UBE2U: variants seen among roughly 807,000 people sequenced by gnomAD.
UBE2U encodes ubiquitin conjugating enzyme E2 U.
Under a neutral mutation model 41.2 loss-of-function variants are expected in UBE2U, and 39 were observed. The observed-to-expected ratio is 0.95, with a 90% CI of 0.73 to 1.24. The LOEUF (loss-of-function observed/expected upper bound fraction) is 1.24, where lower values mean the gene tolerates loss of function less well. Among genes scored for constraint, UBE2U ranks in the 50% most tolerant of loss-of-function variants. The probability of loss-of-function intolerance (pLI) is 0.00; values close to 1 mark genes in which losing one functional copy is unlikely to be tolerated. For synonymous variants in UBE2U, 107 were observed against 117.8 expected, an observed-to-expected ratio of 0.91 and a Z score of 0.60; for missense variants, 336 against 363.1, an observed-to-expected ratio of 0.93 and a Z score of 0.61.
At chr1:64,236,733 C>A (rs1269095578) in intron 7 of UBE2U, among the ~76,000 whole-genome samples, 1 of 152,166 alleles carries the variant, frequency 6.6e-6, no homozygotes, top group Admixed American at 6.5e-5. Flanking sequence ...TTGCTTCACC[C>A]TAGGAGACTT....
In UBE2U at chr1:64,220,931, A is replaced by G. The variant is rs1480413346; in HGVS notation, c.506+24A>G. 8 of 1,532,022 alleles carry G rather than the reference A, an allele frequency of 5.2e-6. No homozygotes were observed. The East Asian group carries it at 1.8e-4, about 35-fold the overall frequency. 94.9% of individuals were successfully genotyped at this position (1,532,022 alleles called of 1,614,324 possible). On this transcript the variant is annotated intron_variant, in intron 6 of 9. Transcript: ENST00000371077. ...AGGTAAGTTTTTCTTTATACAATTT[A>G]TGTCGATTTATTTACCAAAAGGACT...
At chr1:64,263,866 C>G (rs759588924) in intron 9 of UBE2U, among the ~76,000 whole-genome samples, 1 of 152,174 alleles carries the variant, frequency 6.6e-6, no homozygotes, top group Non-Finnish European at 1.5e-5. Flanking sequence ...GGTGGCTGCA[C>G]AAATATCCCC....
intron 7 of UBE2U, among the ~76,000 whole-genome samples, chr1:64,241,000 C>A (rs2100455301): frequency 6.6e-6 from 1 of 152,256 alleles, no homozygotes. Flanking sequence ...ATGAATCAGG[C>A]AGCATCTCAT....
intron 8 of UBE2U, among the ~76,000 whole-genome samples, chr1:64,242,188 G>A (rs778451191): frequency 6.6e-6 from 1 of 152,082 alleles, no homozygotes; most frequent in Non-Finnish European, 1.5e-5. Flanking sequence ...ATCTAATGAA[G>A]AAGGATATAG....
intron 7 of UBE2U, among the ~76,000 whole-genome samples, chr1:64,240,789 T>G (rs949979038): frequency 3.0e-4 from 46 of 152,292 alleles, no homozygotes; most frequent in African/African-American, 1.1e-3. Context: ...TGAGACAGGG[T>G]CTCACTCTGT....
At chr1:64,212,397 G>A (rs962377883) in intron 4 of UBE2U, among the ~76,000 whole-genome samples, 2 of 152,170 alleles carry the variant, frequency 1.3e-5, no homozygotes, top group Non-Finnish European at 1.5e-5. Context: ...GAGTTAGCTT[G>A]CTTGGCTTCA....
Position 64,260,669 on chromosome 1 carries a change from A to G in UBE2U, c.744A>G (p.Glu248=). ...CTCATGAAGTCACTCACTCAATGGA[A>G]GAAATTAAGCTCTGCCCAACTCTAA... ...RMPHEVTHSM[E]EIKLCPTLNE... Residue 248 remains glutamate, a synonymous_variant, in exon 9 of 10, where the codon GAA becomes GAG. Transcript: ENST00000371077. The G allele has an allele frequency of 6.5e-7, 1 of 1,549,748 alleles. No homozygotes were observed. The highest frequency in any genetic ancestry group is 8.7e-7 in the Non-Finnish European group (1 of 1,146,648).
intron 7 of UBE2U, among the ~76,000 whole-genome samples, chr1:64,239,156 GAAAGAAGAAGAAGAAGAAGAAGAAGAA>G (rs1557730970): frequency 0.018 from 508 of 28,364 alleles, 13 homozygotes; most frequent in Middle Eastern, 0.062. Context: ...AGAAGAAGAA[GAAAGAAGAAGAAGAAGAAGAAGAAGAA>G]GAAGAAGAAA....
At chr1:64,257,953 A>T (rs1645121328) in intron 8 of UBE2U, among the ~76,000 whole-genome samples, 1 of 152,172 alleles carries the variant, frequency 6.6e-6, no homozygotes, top group South Asian at 2.1e-4. Flanking sequence ...ATAGGAAAGA[A>T]CTTCCTCAAC....
At chr1:64,208,536 C>T (rs559128839) in intron 3 of UBE2U, among the ~76,000 whole-genome samples, 2 of 129,232 alleles carry the variant, frequency 1.5e-5, no homozygotes, top group African/African-American at 5.8e-5. Flanking sequence ...CCCAGGAGGT[C>T]GAGGCTGCAG....
At chr1:64,217,537 C>T (rs909118713) in intron 5 of UBE2U, among the ~76,000 whole-genome samples, 11 of 152,064 alleles carry the variant, frequency 7.2e-5, no homozygotes, top group East Asian at 1.9e-4. Flanking sequence ...TATTTATCTT[C>T]TGTTTGTCAT....
intron 8 of UBE2U, among the ~76,000 whole-genome samples, chr1:64,252,769 C>G (rs825167): frequency 0.41 from 62,112 of 151,968 alleles, 13,559 homozygotes; most frequent in Middle Eastern, 0.53. Context: ...TCAGCAACCT[C>G]AAAGATTAAA....
intron 8 of UBE2U, among the ~76,000 whole-genome samples, chr1:64,248,060 A>G (rs183037831): frequency 6.6e-4 from 100 of 152,254 alleles, no homozygotes; most frequent in Non-Finnish European, 1.1e-3. Flanking sequence ...ACCCACTCCC[A>G]GGTATTTGTA....
At chr1:64,239,067 AGGAAGAGGAAGAGGAAGAGGAAGAGG>A in intron 7 of UBE2U, among the ~76,000 whole-genome samples, 1 of 67,520 alleles carries the variant, frequency 1.5e-5, no homozygotes, top group Non-Finnish European at 2.9e-5. Context: ...GAAGAAGAAG[AGGAAGAGGAAGAGGAAGAGGAAGAGG>A]AAGAAGAAGA....
intron 2 of UBE2U, among the ~76,000 whole-genome samples, chr1:64,206,404 G>T (rs927413985): frequency 1.3e-5 from 2 of 151,808 alleles, no homozygotes; most frequent in Non-Finnish European, 2.9e-5. Flanking sequence ...TCAGAAGAAG[G>T]ATAAGGAAAT....
At chr1:64,220,415 A>G (rs939738636) in intron 5 of UBE2U, among the ~76,000 whole-genome samples, 2 of 152,162 alleles carry the variant, frequency 1.3e-5, no homozygotes, top group Non-Finnish European at 2.9e-5. Flanking sequence ...TCCAGTCCTG[A>G]GTCTCTCTGG....
Position 64,205,711 on chromosome 1 carries a change from G to T in UBE2U, c.139G>T (p.Val47Phe). ...TGAAATTGAAGGTCTACAGAATTCA[G>T]TTTGGCAGGGTTTGTATTTTCAAAA... is the stretch of plus-strand genomic sequence containing the variant. Reference protein sequence around the residue: ...EVEIEGLQNSVWQGLVFQLTI... With the variant: ...EVEIEGLQNSFWQGLVFQLTI... The change falls in exon 2 of 10, where the codon GTT becomes TTT. Residue 47 changes from valine (V) to phenylalanine (F), a missense_variant. By Grantham distance (50) the Val-to-Phe change is conservative. Transcript: ENST00000371077. 1.2e-6 allele frequency: 2 copies of T among 1,612,096 alleles called. No individual in the cohort carries two copies. Among genetic ancestry groups the T allele is most frequent in the Non-Finnish European group, 1.7e-6 (2 of 1,178,910 alleles).
At chr1:64,216,361 A>G (rs1652013681) in intron 5 of UBE2U, among the ~76,000 whole-genome samples, 1 of 152,204 alleles carries the variant, frequency 6.6e-6, no homozygotes, top group Admixed American at 6.5e-5. Flanking sequence ...TCCACTTGGA[A>G]CCTCACATTT....
At chr1:64,237,921 A>G (rs987873127) in intron 7 of UBE2U, among the ~76,000 whole-genome samples, 7 of 152,244 alleles carry the variant, frequency 4.6e-5, no homozygotes, top group Non-Finnish European at 1.0e-4. Context: ...AAGAAAAGAT[A>G]TGAATTATCC....
Sources: allele counts gnomAD v4.1 joint callset (sites outside exome capture counted in the v4.1 genomes callset), GRCh38; gene constraint gnomAD v4.1.1; transcripts MANE v1.5; gene names NCBI Gene and HGNC (gene_info 2026-07-23, HGNC 2026-07-21).